Variants in GRM5 observed in about 807,000 individuals in gnomAD.
GRM5 encodes glutamate metabotropic receptor 5.
A neutral mutation model predicts 83.1 loss-of-function variants in GRM5; 19 were observed. That is an observed-to-expected ratio of 0.23 (90% CI 0.16 to 0.34). GRM5 has a LOEUF of 0.34. GRM5 is among the 10% of genes least tolerant of loss of function. The pLI, the probability that GRM5 is intolerant of heterozygous loss-of-function variation, is 1.00. For missense variants in GRM5, 1,160 were observed against 1,588.3 expected, an observed-to-expected ratio of 0.73 and a Z score of 4.58; for synonymous variants, 675 against 633.6, an observed-to-expected ratio of 1.07 and a Z score of -0.98.
intron 3 of GRM5, among the ~76,000 whole-genome samples, chr11:88,722,497 C>T (rs891276425): frequency 5.9e-5 from 9 of 152,148 alleles, no homozygotes; most frequent in African/African-American, 2.2e-4. Flanking sequence ...GAAGCCATAA[C>T]ATGCAGAAAT....
At chr11:89,058,291 A>G (rs1941918660) in intron 1 of GRM5, among the ~76,000 whole-genome samples, 1 of 152,172 alleles carries the variant, frequency 6.6e-6, no homozygotes, top group Non-Finnish European at 1.5e-5. Context: ...TTTGGAGTGG[A>G]TAATCTTTTG....
chr11:89,001,660 AC>A (rs1940385093), intron 2 of GRM5, among the ~76,000 whole-genome samples: 1 of 152,130 alleles, frequency 6.6e-6, no homozygotes, highest in African/African-American at 2.4e-5. Flanking sequence ...TATAATTTGT[AC>A]ATAGTTTTGT....
chr11:88,574,984 T>C (rs529946366), intron 7 of GRM5, among the ~76,000 whole-genome samples: 23 of 143,806 alleles, frequency 1.6e-4, no homozygotes, highest in Non-Finnish European at 2.9e-4. Context: ...ACTTTTCTTT[T>C]CTTTTTTTTT....
intron 3 of GRM5, among the ~76,000 whole-genome samples, chr11:88,721,344 C>T (rs1364594409): frequency 6.6e-6 from 1 of 152,008 alleles, no homozygotes; most frequent in African/African-American, 2.4e-5. Context: ...AAAGCCACCC[C>T]TGCATCATTG....
intron 8 of GRM5, among the ~76,000 whole-genome samples, chr11:88,560,388 G>A (rs1047095190): frequency 6.6e-6 from 1 of 151,984 alleles, no homozygotes; most frequent in South Asian, 2.1e-4. Context: ...GAACTTAACT[G>A]TTTCTAATCC....
Position 88,680,457 on chromosome 11 carries a change from G to A in GRM5, c.912-27054C>T, listed in dbSNP as rs182393385. On this transcript the variant is annotated intron_variant, in intron 3 of 9. Coordinates refer to ENST00000305447, the MANE Select transcript of GRM5 (RefSeq NM_001143831.3). The stretch of plus-strand genomic sequence containing the variant: ...GCATAGTATTCCATGGTGTATATGC[G>A]CCACATTTTCTTAATCCAGTCTATC... Among the ~76,000 whole-genome samples, 895 of 152,190 alleles carry A rather than the reference G, an allele frequency of 5.9e-3. 15 individuals carry two copies. Among genetic ancestry groups the A allele is most frequent in the African/African-American group, 0.02 (833 of 41,506 alleles).
chr11:88,567,046 C>A lies in GRM5; in HGVS notation c.2630+7G>T. The A allele has an allele frequency of 1.3e-6, 2 of 1,581,232 alleles. No individual in the cohort carries two copies. Among genetic ancestry groups the A allele is most frequent in the Non-Finnish European group, 1.7e-6 (2 of 1,158,522 alleles). ...CCAGCATCCCTGTAAGCCCCCACAA[C>A]TTTTACCTTAAGGTTTCCCCAGAGG... On this transcript the variant is annotated splice_region_variant and intron_variant, in intron 8 of 9. Transcript: ENST00000305447. The surrounding 1 kb of genome is among the most constrained non-coding windows in gnomAD (Gnocchi z 7.3).
At chr11:88,952,124 A>AC (rs1491122961) in intron 2 of GRM5, among the ~76,000 whole-genome samples, 27 of 39,124 alleles carry the variant, frequency 6.9e-4, no homozygotes, top group African/African-American at 9.5e-4. Flanking sequence ...ACATACAAAC[A>AC]AACACACACA....
intron 3 of GRM5, among the ~76,000 whole-genome samples, chr11:88,798,664 T>C (rs957220565): frequency 1.3e-5 from 2 of 151,904 alleles, no homozygotes; most frequent in Non-Finnish European, 2.9e-5. Context: ...GGAAAGCCTG[T>C]GGTGTTGTAA....
At chr11:88,928,818 CTGTT>C (rs1247511260) in intron 2 of GRM5, among the ~76,000 whole-genome samples, 7 of 151,438 alleles carry the variant, frequency 4.6e-5, no homozygotes, top group South Asian at 2.1e-4. Flanking sequence ...AAAATGTACA[CTGTT>C]TGTTATCAGT....
chr11:88,955,629 G>T (rs1022061254), intron 2 of GRM5, among the ~76,000 whole-genome samples: 1 of 151,914 alleles, frequency 6.6e-6, no homozygotes, highest in Non-Finnish European at 1.5e-5. Context: ...ATCATACCTT[G>T]TTCCGTCCTT....
chr11:88,850,342 A>T (rs560406671), intron 2 of GRM5, among the ~76,000 whole-genome samples, 187 bp from the exon 3 acceptor site: 32 of 152,332 alleles, frequency 2.1e-4, no homozygotes, highest in African/African-American at 7.5e-4. Flanking sequence ...ATTGAACCAC[A>T]TTATATATGC....
chr11:88,683,988 A>G, intron 3 of GRM5, among the ~76,000 whole-genome samples: 1 of 152,228 alleles, frequency 6.6e-6, no homozygotes, highest in East Asian at 1.9e-4. Flanking sequence ...ACTGGTAAGG[A>G]AATTGCATTC....
intron 2 of GRM5, among the ~76,000 whole-genome samples, chr11:88,981,010 A>G (rs1030429673): frequency 8.5e-6 from 1 of 117,016 alleles, no homozygotes; most frequent in African/African-American, 2.6e-5. Context: ...GTCCCTAATC[A>G]GAAAAAAAAA....
intron 8 of GRM5, among the ~76,000 whole-genome samples, chr11:88,545,289 T>C (rs1309379105): frequency 6.6e-6 from 1 of 152,192 alleles, no homozygotes; most frequent in Non-Finnish European, 1.5e-5. Context: ...ATTGGTCCAA[T>C]TTTCTTGCAG....
intron 8 of GRM5, among the ~76,000 whole-genome samples, chr11:88,550,321 T>G (rs1482792308): frequency 6.6e-6 from 1 of 152,218 alleles, no homozygotes; most frequent in Non-Finnish European, 1.5e-5. Flanking sequence ...GAAATTGAAC[T>G]GTACCTGACC....
chr11:88,854,105 A>T (rs1425923129), intron 2 of GRM5, among the ~76,000 whole-genome samples: 1 of 147,456 alleles, frequency 6.8e-6, no homozygotes, highest in Middle Eastern at 3.5e-3. Flanking sequence ...TCAGCCTAAA[A>T]ACCCTAAAAA....
At chr11:88,801,018 ATGCTTCAGGTATGTTTTATAGAAATCC>A (rs1440611021) in intron 3 of GRM5, among the ~76,000 whole-genome samples, 1 of 152,158 alleles carries the variant, frequency 6.6e-6, no homozygotes, top group East Asian at 1.9e-4. Context: ...TAAATGCTAT[ATGCTTCAGGTATGTTTTATAGAAATCC>A]AAAGTCATTG....
intron 3 of GRM5, among the ~76,000 whole-genome samples, chr11:88,810,736 A>C (rs1289990064): frequency 6.6e-6 from 1 of 152,130 alleles, no homozygotes; most frequent in African/African-American, 2.4e-5. Context: ...GTGAAGTATA[A>C]ATATGTATGT....
Sources: allele counts gnomAD v4.1 joint callset (sites outside exome capture counted in the v4.1 genomes callset), GRCh38; gene constraint gnomAD v4.1.1; non-coding constraint Gnocchi (gnomAD v3.1); transcripts MANE v1.5; gene names NCBI Gene and HGNC (gene_info 2026-07-23, HGNC 2026-07-21).